PCYT1B: variants seen among roughly 807,000 people sequenced by gnomAD.
PCYT1B encodes the protein choline-phosphate cytidylyltransferase B.
Under a neutral mutation model 26.4 loss-of-function variants are expected in PCYT1B, and 10 were observed. The ratio of observed to expected loss-of-function variants is 0.38; its 90% CI spans 0.23 to 0.64. The LOEUF (loss-of-function observed/expected upper bound fraction) is 0.64. PCYT1B is among the 30% of genes least tolerant of loss of function. PCYT1B has a pLI of 0.56. For missense variants in PCYT1B, 161 were observed against 292.7 expected, an observed-to-expected ratio of 0.55 and a Z score of 3.28; for synonymous variants, 131 against 108.4, an observed-to-expected ratio of 1.21 and a Z score of -1.29.
chrX:24,618,706 C>T (rs1925599732), intron 2 of PCYT1B, among the ~76,000 whole-genome samples: 2 of 109,493 alleles, frequency 1.8e-5, no homozygotes, highest in Admixed American at 9.9e-5. Context: ...CAATCTCCAC[C>T]TCCCGGGTTC....
chrX:24,623,878 C>T, intron 1 of PCYT1B, among the ~76,000 whole-genome samples: 1 of 109,936 alleles, frequency 9.1e-6, no homozygotes, highest in Non-Finnish European at 1.9e-5. Flanking sequence ...ACCAATCAGA[C>T]AACAAGCTAA....
At chrX:24,624,553 A>G (rs1388792159) in intron 1 of PCYT1B, among the ~76,000 whole-genome samples, 4 of 111,549 alleles carry the variant, frequency 3.6e-5, no homozygotes, top group South Asian at 3.7e-4. Flanking sequence ...TCTTTTCTGT[A>G]TGGCTTCCCC....
chrX:24,623,364 C>CATATATATATATATATAT (rs57642734), intron 1 of PCYT1B, among the ~76,000 whole-genome samples: 25 of 79,671 alleles, frequency 3.1e-4, no homozygotes, highest in East Asian at 7.4e-4. Context: ...ATGAGATTTA[C>CATATATATATATATATAT]ATATATATAT....
chrX:24,614,110 A>G (rs1334191816), intron 2 of PCYT1B, among the ~76,000 whole-genome samples: 1 of 111,988 alleles, frequency 8.9e-6, no homozygotes, highest in Admixed American at 9.5e-5. Flanking sequence ...GAATACATAC[A>G]ACACTGTGTA....
At chrX:24,600,159 G>A (rs768408062) in intron 3 of PCYT1B, among the ~76,000 whole-genome samples, 128 of 111,198 alleles carry the variant, frequency 1.2e-3, no homozygotes, top group Non-Finnish European at 1.8e-3. Context: ...CACCCACCTC[G>A]GCCTCCCAAA....
At chrX:24,641,052 G>C (rs1926451472) in intron 1 of PCYT1B, among the ~76,000 whole-genome samples, 1 of 111,572 alleles carries the variant, frequency 9.0e-6, no homozygotes, top group African/African-American at 3.3e-5. Context: ...TCCTGCCTCA[G>C]CCTCCCAAGT....
At chrX:24,654,819 G>A (rs1189578553) in intron 1 of PCYT1B, among the ~76,000 whole-genome samples, 3 of 106,295 alleles carry the variant, frequency 2.8e-5, no homozygotes, top group Non-Finnish European at 5.8e-5. Context: ...TGGAAAACAC[G>A]GGGTAAAGAT....
At chrX:24,634,918 C>G (rs1416071211) in intron 1 of PCYT1B, among the ~76,000 whole-genome samples, 1 of 112,249 alleles carries the variant, frequency 8.9e-6, no homozygotes, top group Non-Finnish European at 1.9e-5. Context: ...ACAACCCAAT[C>G]TGATCTGACA....
chrX:24,658,506 CTTTTTTTTTTTT>C (rs1203809740), intron 1 of PCYT1B, among the ~76,000 whole-genome samples: 3 of 58,859 alleles, frequency 5.1e-5, no homozygotes, highest in Non-Finnish European at 9.5e-5. Flanking sequence ...TGTTTCATTG[CTTTTTTTTTTTT>C]TTTTTTTTTT....
chrX:24,644,153 GC>G (rs1442447251), intron 1 of PCYT1B, among the ~76,000 whole-genome samples: 1 of 112,253 alleles, frequency 8.9e-6, no homozygotes, highest in African/African-American at 3.2e-5. Context: ...GTTAGCATGT[GC>G]CTTAGTTATT....
At chrX:24,641,154 G>A (rs1209612755) in intron 1 of PCYT1B, among the ~76,000 whole-genome samples, 1 of 111,527 alleles carries the variant, frequency 9.0e-6, no homozygotes, top group Non-Finnish European at 1.9e-5. Flanking sequence ...GGCTGGTCTT[G>A]AACTCCTGAC....
chrX:24,664,732 C>T (rs1314117801), intron 1 of PCYT1B, among the ~76,000 whole-genome samples: 1 of 111,889 alleles, frequency 8.9e-6, no homozygotes, highest in African/African-American at 3.2e-5. Context: ...TTGAGGCAGA[C>T]AAATCACTTG....
intron 1 of PCYT1B, among the ~76,000 whole-genome samples, chrX:24,644,974 G>C (rs1348351704): frequency 9.0e-6 from 1 of 111,632 alleles, no homozygotes; most frequent in Non-Finnish European, 1.9e-5. Context: ...TGAGGCAGGA[G>C]AATCGCTTGA....
In PCYT1B at chrX:24,559,475, A is replaced by G. The variant is rs1602140327; in HGVS notation, c.*2818T>C. 9.6e-6 allele frequency: 1 copy of G among 104,266 alleles called. No individual in the cohort carries two copies. The highest frequency in any genetic ancestry group is 2.0e-5 in the Non-Finnish European group (1 of 49,015). The allele number at this position is 104,266 out of a possible 1,213,427, so 8.6% of individuals were successfully genotyped here. A position where few individuals can be genotyped will look rare whatever the true frequency, so the allele number is the denominator to read the frequency against. On this transcript the variant is annotated 3_prime_UTR_variant, in exon 8 of 8. Transcript: ENST00000379144. Reference sequence around the variant, plus strand: ...AGAGAGAAAGAAAGAGAAAGAAAGTAAAAGAAAGAAAGAAAGAAAAGCGGA... The same window carrying G: ...AGAGAGAAAGAAAGAGAAAGAAAGTGAAAGAAAGAAAGAAAGAAAAGCGGA...
chrX:24,572,295 T>C (rs1418338949), intron 7 of PCYT1B, among the ~76,000 whole-genome samples: 1 of 109,245 alleles, frequency 9.2e-6, no homozygotes, highest in Non-Finnish European at 1.9e-5. Flanking sequence ...CACACGTATA[T>C]GGGGTGGGGG....
chrX:24,607,866 G>T lies in PCYT1B; in HGVS notation c.218-5C>A. 1 of 1,046,920 alleles carries T rather than the reference G, an allele frequency of 9.6e-7. No homozygotes were observed. The highest frequency in any genetic ancestry group is 1.3e-6 in the Non-Finnish European group (1 of 756,579). The allele number at this position is 1,046,920 out of a possible 1,213,427, so 86.3% of individuals were successfully genotyped here. A position where few individuals can be genotyped will look rare whatever the true frequency, so the allele number is the denominator to read the frequency against. The stretch of plus-strand genomic sequence containing the variant: ...ATACTCTGACAGGCCTGTCAGCTGT[G>T]GGAGAAAGAAAACACTGTTAACAGA... On this transcript the variant is annotated splice_region_variant and splice_polypyrimidine_tract_variant and intron_variant, in intron 2 of 7. Transcript: ENST00000379144.
chrX:24,565,688 A>G (rs1323875029), intron 7 of PCYT1B, among the ~76,000 whole-genome samples: 1 of 110,159 alleles, frequency 9.1e-6, no homozygotes, highest in Non-Finnish European at 1.9e-5. Context: ...TCTGTGTTTT[A>G]GAAATACCTT....
At chrX:24,645,343 CATATGTGTGTATATATGTAT>C (rs1049492444) in intron 1 of PCYT1B, among the ~76,000 whole-genome samples, 21 of 109,420 alleles carry the variant, frequency 1.9e-4, no homozygotes, top group African/African-American at 7.0e-4. Flanking sequence ...AATATATATA[CATATGTGTGTATATATGTAT>C]ATATGTGTGT....
Position 24,619,002 on chromosome X carries a change from G to T in PCYT1B, c.200C>A (p.Ala67Asp), listed in dbSNP as rs1177092744. The stretch of plus-strand genomic sequence containing the variant: ...AGCCTCACCTGGTGTTCCTAAGCGG[G>T]CCTGAGCAATGGTCAGTTTTTCATG... ...APHEKLTIAQ[A>D]RLGTPADRPV... Residue 67 changes from alanine (A) to aspartate (D), a missense_variant, in exon 2 of 8, where the codon GCC becomes GAC. This residue lies in a region of PCYT1B where 51 missense variants were observed against 51.0 expected (regional missense o/e 1.00). Transcript: ENST00000379144. 1 of 1,156,908 alleles carries T rather than the reference G, an allele frequency of 8.6e-7. No homozygotes were observed. The highest frequency in any genetic ancestry group is 1.2e-6 in the Non-Finnish European group (1 of 862,596).
Sources: allele counts gnomAD v4.1 joint callset (sites outside exome capture counted in the v4.1 genomes callset), GRCh38; gene constraint gnomAD v4.1.1; regional missense constraint gnomAD v4.1.1; transcripts MANE v1.5; gene names NCBI Gene and HGNC (gene_info 2026-07-23, HGNC 2026-07-21).